The following ANKRD13C variants were observed in gnomAD, a reference collection of about 807,000 sequenced individuals.
ANKRD13C encodes ankyrin repeat domain 13C, also known as ankyrin repeat domain-containing protein 13C.
A neutral mutation model predicts 65.5 loss-of-function variants in ANKRD13C; 16 were observed. The ratio of observed to expected loss-of-function variants is 0.24; its 90% CI spans 0.17 to 0.37. The LOEUF is 0.37. Among genes scored for constraint, ANKRD13C ranks in the 10% least tolerant of loss-of-function variants. The pLI is 1.00. For missense variants in ANKRD13C, 503 were observed against 655.9 expected, an observed-to-expected ratio of 0.77 and a Z score of 2.55; for synonymous variants, 235 against 238.7, an observed-to-expected ratio of 0.98 and a Z score of 0.14.
In ANKRD13C at chr1:70,354,679, T is replaced by A; in HGVS notation, c.-271A>T. The A allele has an allele frequency of 1.2e-6, 1 of 810,402 alleles. No individual in the cohort carries two copies. The highest frequency in any genetic ancestry group is 1.9e-6 in the Non-Finnish European group (1 of 532,362). 50.2% of individuals were successfully genotyped at this position (810,402 alleles called of 1,614,324 possible). A position where few individuals can be genotyped will look rare whatever the true frequency, so the allele number is the denominator to read the frequency against. The stretch of plus-strand genomic sequence containing the variant: ...GTCTCGCCGTCGCAGCCGCCGTCGC[T>A]GCCTTACACCGAAAAACAGGGCACG... On this transcript the variant is annotated 5_prime_UTR_variant, in exon 1 of 13. Coordinates refer to ENST00000370944, the MANE Select transcript of ANKRD13C (RefSeq NM_030816.5).
chr1:70,273,025 A>AT (rs1553242074), intron 11 of ANKRD13C, among the ~76,000 whole-genome samples: 2 of 151,190 alleles, frequency 1.3e-5, no homozygotes, highest in East Asian at 1.9e-4. Context: ...AAATAAATAA[A>AT]ATAATAAAAT....
At chr1:70,318,687 T>TG (rs1681174038) in intron 3 of ANKRD13C, among the ~76,000 whole-genome samples, 1 of 145,792 alleles carries the variant, frequency 6.9e-6, no homozygotes, top group African/African-American at 2.5e-5. Context: ...TTGTTTTTTT[T>TG]TTTTTTTTTT....
intron 2 of ANKRD13C, among the ~76,000 whole-genome samples, chr1:70,333,694 A>G (rs779895775): frequency 6.6e-6 from 1 of 152,222 alleles, no homozygotes; most frequent in Non-Finnish European, 1.5e-5. Flanking sequence ...TAGGATCCTA[A>G]AAGAATTATT....
chr1:70,296,274 CAAAAGTTAAATATA>C lies in ANKRD13C; in HGVS notation c.922-27_922-14del. 6.2e-7 allele frequency: 1 copy of C among 1,603,466 alleles called. No homozygotes were observed. Among genetic ancestry groups the C allele is most frequent in the Non-Finnish European group, 8.5e-7 (1 of 1,176,500 alleles). On this transcript the variant is annotated splice_polypyrimidine_tract_variant and intron_variant, in intron 7 of 12. Coordinates refer to ENST00000370944, the MANE Select transcript of ANKRD13C (RefSeq NM_030816.5). ...CCATCTCTGATTCCTGGGATGTGAG[CAAAAGTTAAATATA>C]AAAATCTAGGTTTTTCAAAAGTTCT...
At chr1:70,280,921 CTAAA>C (rs1252961745) in intron 9 of ANKRD13C, among the ~76,000 whole-genome samples, 2 of 151,980 alleles carry the variant, frequency 1.3e-5, no homozygotes, top group African/African-American at 4.8e-5. Flanking sequence ...AGAAAATAGA[CTAAA>C]TAGACTCAAG....
At chr1:70,328,952 T>G (rs1397590389) in intron 2 of ANKRD13C, among the ~76,000 whole-genome samples, 1 of 152,178 alleles carries the variant, frequency 6.6e-6, no homozygotes, top group Non-Finnish European at 1.5e-5. Context: ...TAGGGGAATG[T>G]AAACATGTAA....
rs192067214 is a variant in ANKRD13C, at chr1:70,336,046, A to T, written c.472+12T>A. The T allele has an allele frequency of 2.3e-5, 19 of 808,766 alleles. No homozygotes were observed. In the African/African-American group the frequency reaches 2.4e-4, roughly 10 times the overall value. The allele number at this position is 808,766 out of a possible 1,614,324, so 50.1% of individuals were successfully genotyped here. On this transcript the variant is annotated intron_variant, in intron 2 of 12. Coordinates refer to ENST00000370944, the MANE Select transcript of ANKRD13C (RefSeq NM_030816.5). Reference sequence around the variant, plus strand: ...ATGAAGTTAAACATAAAAAAAGAAAATATTTACTAACCTTTATTTCCTAAC... The same window carrying T: ...ATGAAGTTAAACATAAAAAAAGAAATTATTTACTAACCTTTATTTCCTAAC...
Position 70,262,162 on chromosome 1 carries a change from A to C in ANKRD13C, c.*555T>G, listed in dbSNP as rs1678413492. On this transcript the variant is annotated 3_prime_UTR_variant, in exon 13 of 13. Transcript: ENST00000370944. ...GGTTCATTCATCTACAGAAAATTGC[A>C]TTCCTTCTAGTTCATTATATTGAAC... 1 of 152,620 alleles carries C rather than the reference A, an allele frequency of 6.6e-6. No individual in the cohort carries two copies. Among genetic ancestry groups the C allele is most frequent in the Admixed American group, 6.5e-5 (1 of 15,268 alleles). 9.5% of individuals were successfully genotyped at this position (152,620 alleles called of 1,614,324 possible). A position where few individuals can be genotyped will look rare whatever the true frequency, so the allele number is the denominator to read the frequency against.
chr1:70,343,363 C>G (rs998089147), intron 1 of ANKRD13C, among the ~76,000 whole-genome samples: 1 of 152,186 alleles, frequency 6.6e-6, no homozygotes, highest in Non-Finnish European at 1.5e-5. Flanking sequence ...ATGTCCTCAA[C>G]CTGCTGCTTA....
At chr1:70,323,947 A>G (rs1681426152) in intron 3 of ANKRD13C, among the ~76,000 whole-genome samples, 1 of 151,890 alleles carries the variant, frequency 6.6e-6, no homozygotes, top group Non-Finnish European at 1.5e-5. Flanking sequence ...GCTGGTGGTG[A>G]ACTCCTGACC....
intron 12 of ANKRD13C, among the ~76,000 whole-genome samples, chr1:70,265,519 G>A (rs1418394321): frequency 6.6e-6 from 1 of 152,012 alleles, no homozygotes; most frequent in Admixed American, 6.6e-5. Flanking sequence ...AGATTCACAA[G>A]CAATTTTAAG....
At chr1:70,311,080 A>G (rs1041508806) in intron 5 of ANKRD13C, among the ~76,000 whole-genome samples, 2 of 152,246 alleles carry the variant, frequency 1.3e-5, no homozygotes, top group African/African-American at 2.4e-5. Context: ...AAAATTCTCT[A>G]TACAAGGATT....
chr1:70,285,188 T>TA (rs1491204701), intron 9 of ANKRD13C, among the ~76,000 whole-genome samples: 1 of 108,970 alleles, frequency 9.2e-6, no homozygotes, highest in Non-Finnish European at 1.6e-5. Context: ...TTATAATGTC[T>TA]TTTTTTTTTT....
At chr1:70,318,679 G>GTTTTTTT (rs11337993) in intron 3 of ANKRD13C, among the ~76,000 whole-genome samples, 18 of 94,230 alleles carry the variant, frequency 1.9e-4, no homozygotes, top group South Asian at 7.4e-4. Context: ...ATCAATCTTT[G>GTTTTTTT]TTTTTTTTTT....
At chr1:70,268,685 C>T (rs1056418549) in intron 12 of ANKRD13C, among the ~76,000 whole-genome samples, 2 of 151,998 alleles carry the variant, frequency 1.3e-5, no homozygotes, top group Admixed American at 1.3e-4. Flanking sequence ...ATCATCTGCG[C>T]TTAGGTTGTA....
At chr1:70,306,330 A>C in intron 5 of ANKRD13C, 40 bp from the exon 6 acceptor site, 1 of 1,314,884 alleles carries the variant, frequency 7.6e-7, no homozygotes, top group Middle Eastern at 1.9e-4. Flanking sequence ...TAACTACCTA[A>C]ATTTTGAGAT....
At chr1:70,278,840 T>A (rs907514805) in intron 9 of ANKRD13C, among the ~76,000 whole-genome samples, 1 of 152,126 alleles carries the variant, frequency 6.6e-6, no homozygotes. Context: ...TCAACTTAAC[T>A]CACTTGCAAA....
chr1:70,299,903 T>C (rs904533528), intron 7 of ANKRD13C, among the ~76,000 whole-genome samples: 5 of 152,184 alleles, frequency 3.3e-5, no homozygotes, highest in Non-Finnish European at 7.3e-5. Flanking sequence ...GGGATTATTC[T>C]GGCAGTTTGT....
intron 2 of ANKRD13C, among the ~76,000 whole-genome samples, chr1:70,331,175 G>T (rs1681780604): frequency 6.6e-6 from 1 of 152,166 alleles, no homozygotes; most frequent in Non-Finnish European, 1.5e-5. Flanking sequence ...CTTCAACAAT[G>T]AAATCACTAA....
Sources: gnomAD v4.1 joint callset for allele counts (sites outside exome capture counted in the v4.1 genomes callset) on GRCh38, gnomAD v4.1.1 for gene constraint, MANE v1.5 for transcripts, NCBI Gene and HGNC (gene_info 2026-07-23, HGNC 2026-07-21) for gene names.